The following EPHA6 variants were observed in gnomAD, a reference collection of about 807,000 sequenced individuals.
EPHA6 encodes the protein EPH receptor A6.
A neutral mutation model predicts 112.0 loss-of-function variants in EPHA6; 50 were observed. The ratio of observed to expected loss-of-function variants is 0.45; its 90% CI spans 0.36 to 0.56. The LOEUF is 0.56. Ranked by LOEUF, EPHA6 falls within the 20% of genes least tolerant of loss-of-function variation. EPHA6 has a pLI of 0.00. For synonymous variants in EPHA6, 529 were observed against 490.7 expected (o/e 1.08, Z -1.03); for missense variants, 1,280 against 1,417.4 (o/e 0.90, Z 1.56).
chr3:97,172,648 A>G (rs979139509), intron 3 of EPHA6, among the ~76,000 whole-genome samples: 4 of 151,936 alleles, frequency 2.6e-5, no homozygotes, highest in Non-Finnish European at 5.9e-5. Context: ...CTTCTGGCCC[A>G]TGAATATGTA....
At chr3:97,432,376 G>A (rs2089563876) in intron 6 of EPHA6, among the ~76,000 whole-genome samples, 1 of 152,066 alleles carries the variant, frequency 6.6e-6, no homozygotes, top group South Asian at 2.1e-4. Context: ...CATTTAATGA[G>A]GATGTCCCAG....
chr3:97,183,982 C>A (rs896216097), intron 3 of EPHA6, among the ~76,000 whole-genome samples: 4 of 152,012 alleles, frequency 2.6e-5, no homozygotes, highest in Non-Finnish European at 4.4e-5. Flanking sequence ...TTTCACTGAA[C>A]ATTTTAAAAT....
intron 14 of EPHA6, among the ~76,000 whole-genome samples, chr3:97,712,172 T>C (rs1206893741): frequency 1.3e-5 from 2 of 152,340 alleles, no homozygotes; most frequent in Non-Finnish European, 2.9e-5. Flanking sequence ...TACTTTTGTG[T>C]TAATTTCCAT....
chr3:97,226,111 A>G (rs2078347000), intron 3 of EPHA6, among the ~76,000 whole-genome samples, 153 bp from the exon 4 acceptor site: 1 of 152,206 alleles, frequency 6.6e-6, no homozygotes, highest in Non-Finnish European at 1.5e-5. Context: ...AACTAATTTC[A>G]TTTGTTAATC....
At chr3:97,136,543 C>A (rs1289575126) in intron 3 of EPHA6, among the ~76,000 whole-genome samples, 2 of 151,826 alleles carry the variant, frequency 1.3e-5, no homozygotes, top group African/African-American at 4.8e-5. Context: ...ACAGTGAGAC[C>A]CCGTCTCTAG....
At chr3:97,544,716 G>T (rs1394809558) in intron 11 of EPHA6, among the ~76,000 whole-genome samples, 2 of 152,114 alleles carry the variant, frequency 1.3e-5, no homozygotes, top group Non-Finnish European at 2.9e-5. Context: ...GAATCCATCT[G>T]GTCCTGGACT....
intron 2 of EPHA6, among the ~76,000 whole-genome samples, chr3:96,985,145 G>A (rs1050656687): frequency 3.9e-5 from 6 of 152,266 alleles, no homozygotes; most frequent in African/African-American, 1.2e-4. Flanking sequence ...TGTCGCTCAT[G>A]CTAGGAGCTG....
chr3:97,075,781 A>C (rs2046504217), intron 3 of EPHA6, among the ~76,000 whole-genome samples: 2 of 152,014 alleles, frequency 1.3e-5, no homozygotes, highest in South Asian at 4.1e-4. Context: ...TTTTCAATAG[A>C]ATGTATTTAC....
intron 3 of EPHA6, among the ~76,000 whole-genome samples, chr3:97,125,494 T>G (rs2048159333): frequency 6.6e-6 from 1 of 152,180 alleles, no homozygotes; most frequent in African/African-American, 2.4e-5. Flanking sequence ...TCTTTTTCCC[T>G]TGAATGCAAG....
intron 10 of EPHA6, among the ~76,000 whole-genome samples, chr3:97,517,633 T>C (rs1220878909): frequency 6.6e-6 from 1 of 152,090 alleles, no homozygotes; most frequent in East Asian, 1.9e-4. Flanking sequence ...AATTAAAAAA[T>C]ATACAATCAT....
chr3:97,122,390 T>C (rs2048065560), intron 3 of EPHA6, among the ~76,000 whole-genome samples: 3 of 152,094 alleles, frequency 2.0e-5, no homozygotes, highest in Admixed American at 1.3e-4. Context: ...TTTTAAGATA[T>C]GAGATTGTTT....
intron 11 of EPHA6, among the ~76,000 whole-genome samples, chr3:97,592,172 G>A (rs1209970998): frequency 6.6e-6 from 1 of 152,126 alleles, no homozygotes; most frequent in Non-Finnish European, 1.5e-5. Context: ...CTTATTTTAA[G>A]CACTAATAGA....
chr3:97,679,911 G>C (rs2031723442), intron 14 of EPHA6, among the ~76,000 whole-genome samples: 1 of 152,240 alleles, frequency 6.6e-6, no homozygotes, highest in South Asian at 2.1e-4. Context: ...ATTTGACCAG[G>C]CAACCTTTTG....
intron 5 of EPHA6, among the ~76,000 whole-genome samples, chr3:97,368,792 G>A (rs2084885758): frequency 1.3e-5 from 2 of 151,968 alleles, no homozygotes; most frequent in South Asian, 4.1e-4. Flanking sequence ...CTTATTATAT[G>A]CCACGCACAG....
chr3:97,740,522 T>C (rs959379021), intron 16 of EPHA6, among the ~76,000 whole-genome samples: 3 of 152,122 alleles, frequency 2.0e-5, no homozygotes, highest in African/African-American at 7.2e-5. Flanking sequence ...AGGGATCTTA[T>C]AAGACTTTAG....
intron 11 of EPHA6, among the ~76,000 whole-genome samples, chr3:97,541,042 G>A (rs1243306444): frequency 6.6e-6 from 1 of 152,030 alleles, no homozygotes; most frequent in Non-Finnish European, 1.5e-5. Flanking sequence ...AGTTTCTAAT[G>A]GTCTTATGTA....
intron 5 of EPHA6, among the ~76,000 whole-genome samples, chr3:97,387,834 G>T (rs577143697): frequency 1.3e-5 from 2 of 152,254 alleles, no homozygotes; most frequent in East Asian, 1.9e-4. Context: ...ATGAAGAAAA[G>T]AGGTTTAATC....
chr3:97,324,491 TTTC>T, intron 5 of EPHA6, among the ~76,000 whole-genome samples: 2 of 129,866 alleles, frequency 1.5e-5, no homozygotes, highest in South Asian at 2.4e-4. Context: ...TCTCTTTCTC[TTTC>T]TTTCTTTCAT....
intron 3 of EPHA6, among the ~76,000 whole-genome samples, chr3:97,154,165 CAAAAAAA>C: frequency 9.2e-6 from 1 of 109,256 alleles, no homozygotes; most frequent in South Asian, 3.0e-4. Flanking sequence ...AACACTGTCT[CAAAAAAA>C]AAAAAAAAAT....
Sources: gnomAD v4.1 joint callset for allele counts (sites outside exome capture counted in the v4.1 genomes callset) on GRCh38, gnomAD v4.1.1 for gene constraint, MANE v1.5 for transcripts, NCBI Gene and HGNC (gene_info 2026-07-23, HGNC 2026-07-21) for gene names.